Variants in CMYA5 observed in about 807,000 individuals in gnomAD.
The protein encoded by CMYA5 is cardiomyopathy associated 5, also known as cardiomyopathy-associated protein 5.
Under a neutral mutation model 318.9 loss-of-function variants are expected in CMYA5, and 246 were observed. The observed-to-expected ratio is 0.77, with a 90% CI of 0.70 to 0.86. CMYA5 has a LOEUF of 0.86. CMYA5 is among the 40% of genes least tolerant of loss of function. CMYA5 has a pLI of 0.00. For synonymous variants in CMYA5, 1,641 were observed against 1,729.5 expected, an observed-to-expected ratio of 0.95 and a Z score of 1.27; for missense variants, 4,589 against 4,678.2, an observed-to-expected ratio of 0.98 and a Z score of 0.56.
chr5:79,723,618 CA>C (rs1390678333), intron 1 of CMYA5, among the ~76,000 whole-genome samples: 2 of 151,558 alleles, frequency 1.3e-5, no homozygotes, highest in African/African-American at 4.8e-5. Context: ...AAATATTAAC[CA>C]AGTGTGATGG....
chr5:79,697,019 A>G (rs1367569110), intron 1 of CMYA5, among the ~76,000 whole-genome samples: 3 of 152,112 alleles, frequency 2.0e-5, no homozygotes, highest in East Asian at 3.9e-4. Context: ...AAAAAAAAAA[A>G]TGTATTTACT....
Position 79,799,449 on chromosome 5 carries a change from TACA to T in CMYA5, c.12049_12051del (p.Asn4017del), listed in dbSNP as rs755805859. The T allele has an allele frequency of 1.2e-6, 2 of 1,614,014 alleles. No homozygotes were observed. Among genetic ancestry groups the T allele is most frequent in the South Asian group, 2.2e-5 (2 of 91,086 alleles). On this transcript the variant is annotated inframe_deletion, in exon 13 of 13. Coordinates refer to ENST00000446378, the MANE Select transcript of CMYA5 (RefSeq NM_153610.5). ...AGCCAGAGTGGGCATCCTGCTGGAC[TACA>T]ACAACCAGAGACTTATCTTCATCAA...
intron 1 of CMYA5, among the ~76,000 whole-genome samples, chr5:79,728,528 TG>T (rs1245432279): frequency 6.6e-6 from 1 of 152,004 alleles, no homozygotes; most frequent in Admixed American, 6.6e-5. Context: ...CTGGGTGAGG[TG>T]GCGATCGTGG....
intron 1 of CMYA5, among the ~76,000 whole-genome samples, chr5:79,704,699 AAG>A (rs574215993): frequency 1.3e-5 from 2 of 151,756 alleles, no homozygotes; most frequent in African/African-American, 4.8e-5. Flanking sequence ...GAGGGAGAGA[AAG>A]AGAGAGAAAG....
chr5:79,786,742 G>A (rs975238645), intron 9 of CMYA5, among the ~76,000 whole-genome samples: 35 of 152,220 alleles, frequency 2.3e-4, no homozygotes, highest in African/African-American at 7.5e-4. Flanking sequence ...TGACATCTGA[G>A]TGGAGTCAGA....
In CMYA5 at chr5:79,735,790, A is replaced by T. The variant is rs372139811; in HGVS notation, c.7025A>T (p.Asp2342Val). ...AKTIVPPHVT[D>V]SKRVQKPAIA... ...ACTATTGTTCCTCCTCATGTTACTG[A>T]TAGTAAAAGAGTCCAGAAGCCAGCA... The change falls in exon 2 of 13, where the codon GAT becomes GTT. Residue 2342 changes from aspartate (D) to valine (V), a missense_variant. This residue lies in a region of CMYA5 where 2,431 missense variants were observed against 2,495.1 expected (regional missense o/e 0.97). Transcript: ENST00000446378. 3.2e-6 allele frequency: 5 copies of T among 1,554,802 alleles called. No individual in the cohort carries two copies. Among genetic ancestry groups the T allele is most frequent in the Non-Finnish European group, 4.3e-6 (5 of 1,159,148 alleles).
chr5:79,775,705 C>G (rs1403855503), intron 9 of CMYA5, among the ~76,000 whole-genome samples: 2 of 152,074 alleles, frequency 1.3e-5, no homozygotes, highest in African/African-American at 4.8e-5. Context: ...TAGTGATTGC[C>G]TTTAAGAGCA....
chr5:79,793,340 T>C, intron 11 of CMYA5, 97 bp from the exon 12 acceptor site: 2 of 1,220,224 alleles, frequency 1.6e-6, no homozygotes, highest in Non-Finnish European at 2.3e-6. Context: ...AAGGGCAGAA[T>C]CCTGCCTAAA....
At chr5:79,722,811 T>A (rs1387004139) in intron 1 of CMYA5, among the ~76,000 whole-genome samples, 1 of 151,706 alleles carries the variant, frequency 6.6e-6, no homozygotes, top group Non-Finnish European at 1.5e-5. Flanking sequence ...ATTTAAAAGA[T>A]CCTAAATGGA....
chr5:79,796,797 C>G (rs1305921809), intron 12 of CMYA5, among the ~76,000 whole-genome samples: 4 of 152,158 alleles, frequency 2.6e-5, no homozygotes, highest in Admixed American at 2.6e-4. Flanking sequence ...TATTTTATAT[C>G]ATTTATTCAA....
At chr5:79,785,068 C>A (rs115684091) in intron 9 of CMYA5, among the ~76,000 whole-genome samples, 2 of 151,162 alleles carry the variant, frequency 1.3e-5, no homozygotes, top group African/African-American at 4.9e-5. Flanking sequence ...CAGGAAAACC[C>A]ATCATTTTCC....
chr5:79,715,673 G>C (rs1259144085), intron 1 of CMYA5, among the ~76,000 whole-genome samples: 1 of 152,166 alleles, frequency 6.6e-6, no homozygotes, highest in East Asian at 1.9e-4. Flanking sequence ...CCTTACTCCT[G>C]TTAGCAGATG....
chr5:79,697,612 A>G (rs1827093047), intron 1 of CMYA5, among the ~76,000 whole-genome samples: 1 of 152,178 alleles, frequency 6.6e-6, no homozygotes, highest in African/African-American at 2.4e-5. Context: ...CATATTGAGT[A>G]ATTTACCTAA....
At chr5:79,767,388 T>C (rs1828774722) in intron 9 of CMYA5, among the ~76,000 whole-genome samples, 1 of 152,216 alleles carries the variant, frequency 6.6e-6, no homozygotes, top group Non-Finnish European at 1.5e-5. Context: ...CTTTTGATTG[T>C]GATGTTAGGG....
intron 12 of CMYA5, among the ~76,000 whole-genome samples, chr5:79,798,642 A>G (rs940686741): frequency 6.6e-6 from 1 of 152,144 alleles, no homozygotes. Flanking sequence ...TTCCTGCTCC[A>G]TACAGTATGG....
chr5:79,738,497 AGAT>A lies in CMYA5; in HGVS notation c.9735_9737del (p.Asp3246del), dbSNP rs767890891. 1.2e-6 allele frequency: 2 copies of A among 1,613,570 alleles called. No homozygotes were observed. The highest frequency in any genetic ancestry group is 1.7e-6 in the Non-Finnish European group (2 of 1,179,870). On this transcript the variant is annotated inframe_deletion, in exon 2 of 13. Coordinates refer to ENST00000446378, the MANE Select transcript of CMYA5 (RefSeq NM_153610.5). ...TATATTTTGAGAAGTACATACTCAA[AGAT>A]GACATTCTCCATGACACATCTCTAA...
Position 79,738,112 on chromosome 5 carries a change from A to C in CMYA5, c.9347A>C (p.Tyr3116Ser). ...TTGGTGAAATTAGATGAAAGTTTTT[A>C]TGGACCAGAAAAGGGCCACAACATA... ...YDLVKLDESF[Y>S]GPEKGHNILS... The change falls in exon 2 of 13, where the codon TAT (tyrosine) becomes TCT (serine). Residue 3116 changes from tyrosine (Y) to serine (S), a missense_variant. By Grantham distance (144) the Tyr-to-Ser change is moderately radical. Coordinates refer to ENST00000446378, the MANE Select transcript of CMYA5 (RefSeq NM_153610.5). The C allele has an allele frequency of 3.7e-6, 6 of 1,613,600 alleles. No homozygotes were observed. Among genetic ancestry groups the C allele is most frequent in the Non-Finnish European group, 5.1e-6 (6 of 1,179,752 alleles).
intron 6 of CMYA5, among the ~76,000 whole-genome samples, chr5:79,755,839 C>T (rs1828517763): frequency 6.6e-6 from 1 of 152,132 alleles, no homozygotes; most frequent in South Asian, 2.1e-4. Flanking sequence ...AATTTCTAAC[C>T]TACATACTTT....
rs767107977 is a variant in CMYA5 at position 79,734,902 on chromosome 5, G to T, written c.6137G>T (p.Arg2046Ile). The T allele has an allele frequency of 6.2e-7, 1 of 1,613,816 alleles. No homozygotes were observed. The highest frequency in any genetic ancestry group is 2.2e-5 in the East Asian group (1 of 44,868). Reference protein sequence around the residue: ...SQEKIKLPPERFFQKPVSGLS... With the variant: ...SQEKIKLPPEIFFQKPVSGLS... ...GAAAAAATTAAACTACCTCCTGAAAGATTCTTCCAGAAACCAGTGTCTGGC... is the reference window on the plus strand; with the variant it reads ...GAAAAAATTAAACTACCTCCTGAAATATTCTTCCAGAAACCAGTGTCTGGC... Residue 2046 changes from arginine (R) to isoleucine (I), a missense_variant, in exon 2 of 13, where the codon AGA becomes ATA. Physicochemically the swap from Arg to Ile is moderately conservative, Grantham distance 97 (BLOSUM62 -3). Coordinates refer to ENST00000446378, the MANE Select transcript of CMYA5 (RefSeq NM_153610.5).
Sources: gnomAD v4.1 joint callset for allele counts (sites outside exome capture counted in the v4.1 genomes callset) on GRCh38, gnomAD v4.1.1 for gene constraint, gnomAD v4.1.1 regional missense constraint, MANE v1.5 for transcripts, NCBI Gene and HGNC (gene_info 2026-07-23, HGNC 2026-07-21) for gene names.